The following SH3D19 variants were observed in gnomAD, a reference collection of about 807,000 sequenced individuals.
SH3D19 encodes the protein SH3 domain-containing protein 19.
In SH3D19, 58 loss-of-function variants were observed where a neutral mutation model predicts 112.1. The observed-to-expected ratio is 0.52, with a 90% confidence interval of 0.42 to 0.64. SH3D19 has a LOEUF of 0.64. SH3D19 is among the 30% of genes least tolerant of loss of function. The pLI, the probability that SH3D19 is intolerant of heterozygous loss-of-function variation, is 0.00. For missense variants in SH3D19, 1,090 were observed against 1,263.4 expected, an observed-to-expected ratio of 0.86 and a Z score of 2.08; for synonymous variants, 391 against 448.5, an observed-to-expected ratio of 0.87 and a Z score of 1.62.
At chr4:151,196,421 C>T (rs1221981699) in intron 2 of SH3D19, among the ~76,000 whole-genome samples, 1 of 151,966 alleles carries the variant, frequency 6.6e-6, no homozygotes, top group African/African-American at 2.4e-5. Context: ...AGAGAAAGAC[C>T]CTGTCTCAAA....
intron 2 of SH3D19, among the ~76,000 whole-genome samples, chr4:151,189,768 G>A (rs1172420609): frequency 6.6e-6 from 1 of 152,168 alleles, no homozygotes; most frequent in East Asian, 1.9e-4. Flanking sequence ...CCAGTCTCAG[G>A]TATGTCTTTA....
chr4:151,179,045 T>C (rs1382260977), intron 4 of SH3D19, among the ~76,000 whole-genome samples: 1 of 152,208 alleles, frequency 6.6e-6, no homozygotes, highest in Admixed American at 6.5e-5. Context: ...ATGTACTAAG[T>C]AGCATGAGGT....
chr4:151,172,102 T>A (rs763661032), intron 7 of SH3D19, among the ~76,000 whole-genome samples: 9 of 151,930 alleles, frequency 5.9e-5, no homozygotes. Flanking sequence ...AAGGGAAGAG[T>A]TATTTGTAAG....
chr4:151,222,655 G>GTCTCTCTCTC (rs34787298), intron 2 of SH3D19, among the ~76,000 whole-genome samples: 5,515 of 92,802 alleles, frequency 0.059, 295 homozygotes, highest in East Asian at 0.16. Context: ...TATCTCTTTG[G>GTCTCTCTCTC]TCTCTCTCTC....
intron 2 of SH3D19, among the ~76,000 whole-genome samples, chr4:151,220,643 C>T (rs1251623941): frequency 1.3e-5 from 2 of 152,186 alleles, no homozygotes; most frequent in Non-Finnish European, 2.9e-5. Context: ...CAAACTGCCA[C>T]TCCATGGTAC....
chr4:151,317,644 T>C (rs1435470790), intron 1 of SH3D19, among the ~76,000 whole-genome samples: 2 of 152,214 alleles, frequency 1.3e-5, no homozygotes, highest in Admixed American at 6.5e-5. Context: ...TAATTGCTTA[T>C]GTCACAATAA....
In SH3D19 at chr4:151,159,356, G is replaced by T. The variant is rs774211626; in HGVS notation, c.1643-4C>A. The T allele has an allele frequency of 6.6e-7, 1 of 1,506,432 alleles. No individual in the cohort carries two copies. Among genetic ancestry groups the T allele is most frequent in the South Asian group, 1.3e-5 (1 of 79,066 alleles). The allele number at this position is 1,506,432 out of a possible 1,614,324, so 93.3% of individuals were successfully genotyped here. On this transcript the variant is annotated splice_region_variant and splice_polypyrimidine_tract_variant and intron_variant, in intron 8 of 19. Transcript: ENST00000604030. ...CTTTGTGGATCCTCATGTAAACCTG[G>T]AAAAAGTAGCAGTAATTCATCAATA...
intron 1 of SH3D19, among the ~76,000 whole-genome samples, chr4:151,285,944 C>T (rs1156900023): frequency 2.6e-5 from 4 of 150,964 alleles, no homozygotes; most frequent in Admixed American, 6.6e-5. Flanking sequence ...CCTGTAATCG[C>T]AGCACTTTGG....
rs562789809 is a variant in SH3D19, at chr4:151,144,005, A to C, written c.2128T>G (p.Leu710Val). Residue 710 changes from leucine to valine, a missense_variant, in exon 12 of 20, where the codon TTG becomes GTG. Leu to Val is a conservative substitution (Grantham distance 32). Coordinates refer to ENST00000604030, the MANE Select transcript of SH3D19 (RefSeq NM_001378122.1). ...VMLKQTENNYLECQKGEDTGR... is the reference protein window; with the variant it reads ...VMLKQTENNYVECQKGEDTGR... Reference sequence around the variant, plus strand: ...GTGTCTTCTCCCTTTTGGCACTCCAAGTAATTATTTTCCGTCTGCTTCAGC... The same window carrying C: ...GTGTCTTCTCCCTTTTGGCACTCCACGTAATTATTTTCCGTCTGCTTCAGC... 55 of 1,614,166 alleles carry C rather than the reference A, an allele frequency of 3.4e-5. 2 individuals carry two copies. In the South Asian group the frequency reaches 5.7e-4, roughly 17 times the overall value.
chr4:151,178,108 C>A (rs1247453912), intron 4 of SH3D19, among the ~76,000 whole-genome samples: 1 of 152,150 alleles, frequency 6.6e-6, no homozygotes, highest in Non-Finnish European at 1.5e-5. Context: ...GAGACAAGGG[C>A]TCACTATCTT....
At chr4:151,225,807 C>T (rs541849533) in intron 2 of SH3D19, among the ~76,000 whole-genome samples, 5 of 152,072 alleles carry the variant, frequency 3.3e-5, no homozygotes, top group South Asian at 2.1e-4. Context: ...ATAATTTTTA[C>T]GAAAATATAT....
At chr4:151,252,195 C>T (rs1408429171) in intron 1 of SH3D19, among the ~76,000 whole-genome samples, 2 of 152,216 alleles carry the variant, frequency 1.3e-5, no homozygotes, top group African/African-American at 2.4e-5. Context: ...TCCATTAGCA[C>T]ACAAACAGGA....
intron 1 of SH3D19, among the ~76,000 whole-genome samples, chr4:151,270,885 G>A (rs905979904): frequency 6.6e-6 from 1 of 151,968 alleles, no homozygotes; most frequent in Admixed American, 6.5e-5. Context: ...AGTACACAAA[G>A]GCAAAAGCCA....
chr4:151,299,975 G>A (rs1033990869), intron 1 of SH3D19, among the ~76,000 whole-genome samples: 2 of 152,172 alleles, frequency 1.3e-5, no homozygotes, highest in Non-Finnish European at 2.9e-5. Flanking sequence ...GCCAAGGCGG[G>A]CAGATCACCT....
At chr4:151,215,013 C>T (rs1393898745) in intron 2 of SH3D19, among the ~76,000 whole-genome samples, 4 of 147,808 alleles carry the variant, frequency 2.7e-5, no homozygotes, top group East Asian at 2.1e-4. Flanking sequence ...CGGGCAGAGG[C>T]GCTCCTCACA....
At chr4:151,198,313 A>T (rs186522952) in intron 2 of SH3D19, among the ~76,000 whole-genome samples, 49,848 of 118,530 alleles carry the variant, frequency 0.42, 10,066 homozygotes, top group Non-Finnish European at 0.57. Context: ...TCAAAAAAAA[A>T]AAAAATATAT....
At chr4:151,214,068 T>TCTTAA (rs1278821190) in intron 2 of SH3D19, among the ~76,000 whole-genome samples, 6 of 148,092 alleles carry the variant, frequency 4.1e-5, no homozygotes, top group South Asian at 2.2e-4. Flanking sequence ...TGATGATGAC[T>TCTTAA]CTTAACGAGC....
chr4:151,194,176 C>T (rs1245193348), intron 2 of SH3D19, among the ~76,000 whole-genome samples: 1 of 151,764 alleles, frequency 6.6e-6, no homozygotes, highest in East Asian at 1.9e-4. Flanking sequence ...CAGGTGCCCG[C>T]CACCACGCCC....
chr4:151,178,346 C>T (rs1213834073), intron 4 of SH3D19, among the ~76,000 whole-genome samples: 2 of 152,152 alleles, frequency 1.3e-5, no homozygotes, highest in African/African-American at 4.8e-5. Context: ...TTCTCTAGCA[C>T]TCTATGGAAA....
Sources: allele counts gnomAD v4.1 joint callset (sites outside exome capture counted in the v4.1 genomes callset), GRCh38; gene constraint gnomAD v4.1.1; transcripts MANE v1.5; gene names NCBI Gene and HGNC (gene_info 2026-07-23, HGNC 2026-07-21).